Variants in LDB2 observed in about 807,000 individuals in gnomAD.
LDB2 encodes the protein LIM domain-binding protein 2.
A neutral mutation model predicts 44.3 loss-of-function variants in LDB2; 12 were observed. That is an observed-to-expected ratio of 0.27 (90% CI 0.17 to 0.44). LDB2 has a LOEUF of 0.44. Among genes scored for constraint, LDB2 ranks in the 20% least tolerant of loss-of-function variants. The pLI, the probability that LDB2 is intolerant of heterozygous loss-of-function variation, is 1.00. For missense variants in LDB2, 344 were observed against 473.5 expected (o/e 0.73, Z 2.54); for synonymous variants, 164 against 174.8 (o/e 0.94, Z 0.49).
At chr4:16,816,407 C>CTTTTTTTTTTTTTTTTTT (rs1171864969) in intron 1 of LDB2, among the ~76,000 whole-genome samples, 11 of 121,010 alleles carry the variant, frequency 9.1e-5, no homozygotes, top group Non-Finnish European at 1.4e-4. Context: ...CTTTTTCTTT[C>CTTTTTTTTTTTTTTTTTT]TTTTTTTTTT....
chr4:16,736,480 C>A (rs190919223), intron 2 of LDB2, among the ~76,000 whole-genome samples: 31 of 152,274 alleles, frequency 2.0e-4, no homozygotes, highest in African/African-American at 7.5e-4. Context: ...TTCGGGAGCA[C>A]TTTGAATTAC....
Position 16,795,045 on chromosome 4 carries a change from G to T in LDB2, c.133-35785C>A, listed in dbSNP as rs74579322. Among the ~76,000 whole-genome samples, 856 of 152,310 alleles carry T rather than the reference G, an allele frequency of 5.6e-3. 4 individuals carry two copies. Among genetic ancestry groups the T allele is most frequent in the Middle Eastern group, 0.024 (7 of 294 alleles). The stretch of plus-strand genomic sequence containing the variant: ...GTGCCTCTCTAGGCCAGTAGAGGGC[G>T]CTAGGAGCGGGGAAGACATGCTTGA... On this transcript the variant is annotated intron_variant, in intron 1 of 7. Transcript: ENST00000304523.
intron 7 of LDB2, among the ~76,000 whole-genome samples, chr4:16,503,808 T>A (rs1718273054): frequency 6.6e-6 from 1 of 152,204 alleles, no homozygotes; most frequent in East Asian, 1.9e-4. Context: ...CAAATTGTCC[T>A]TCCATGCAAA....
chr4:16,664,725 A>T (rs1339326193), intron 2 of LDB2, among the ~76,000 whole-genome samples: 1 of 152,220 alleles, frequency 6.6e-6, no homozygotes, highest in African/African-American at 2.4e-5. Context: ...ATCAATCTGA[A>T]TTACCTTCCA....
At chr4:16,721,231 G>C (rs1758212939) in intron 2 of LDB2, among the ~76,000 whole-genome samples, 2 of 152,122 alleles carry the variant, frequency 1.3e-5, no homozygotes, top group Admixed American at 1.3e-4. Context: ...AGGGTATAAA[G>C]ATCTATAAAC....
At chr4:16,613,169 T>A (rs1726167532) in intron 2 of LDB2, among the ~76,000 whole-genome samples, 1 of 152,200 alleles carries the variant, frequency 6.6e-6, no homozygotes, top group South Asian at 2.1e-4. Context: ...CATCCCTTCA[T>A]GTTAAAATCT....
chr4:16,709,800 T>A (rs916866345), intron 2 of LDB2, among the ~76,000 whole-genome samples: 1 of 152,148 alleles, frequency 6.6e-6, no homozygotes, highest in Non-Finnish European at 1.5e-5. Flanking sequence ...GTGAGAATAA[T>A]CCCAGAGGGA....
chr4:16,764,309 C>T (rs1768683942), intron 1 of LDB2, among the ~76,000 whole-genome samples: 2 of 152,088 alleles, frequency 1.3e-5, no homozygotes, highest in African/African-American at 4.8e-5. Context: ...CTTCTTGCTT[C>T]CATTCTGTTG....
rs74746223 is a variant in LDB2, at chr4:16,796,206, G to A, written c.133-36946C>T. ...AGGTTAAGGTGGGAGGATTCCTTGG[G>A]CCAAGAAGACGAAGGTTGCAGTGAG... On this transcript the variant is annotated intron_variant, in intron 1 of 7. Coordinates refer to ENST00000304523, the MANE Select transcript of LDB2 (RefSeq NM_001290.5). Among the ~76,000 whole-genome samples, 159 of 152,178 alleles carry A rather than the reference G, an allele frequency of 1.0e-3. 2 individuals carry two copies. In the East Asian group the frequency reaches 0.018, roughly 17 times the overall value.
intron 1 of LDB2, among the ~76,000 whole-genome samples, chr4:16,782,005 G>A (rs11733036): frequency 0.11 from 16,850 of 152,202 alleles, 1,133 homozygotes; most frequent in South Asian, 0.18. Context: ...CTCCAGAACT[G>A]CGAGAGAGTG....
intron 5 of LDB2, among the ~76,000 whole-genome samples, chr4:16,558,582 G>A (rs1036253985): frequency 6.6e-6 from 1 of 152,240 alleles, no homozygotes; most frequent in Admixed American, 6.5e-5. Flanking sequence ...ATCTACGTCT[G>A]ATTGGTGTAC....
At chr4:16,682,244 G>A (rs1360449719) in intron 2 of LDB2, among the ~76,000 whole-genome samples, 1 of 151,626 alleles carries the variant, frequency 6.6e-6, no homozygotes, top group Admixed American at 6.6e-5. Flanking sequence ...AAAGTAACTA[G>A]TTAAAATTTA....
chr4:16,577,610 TGAAA>T (rs1455722921), intron 5 of LDB2, among the ~76,000 whole-genome samples: 2 of 152,160 alleles, frequency 1.3e-5, no homozygotes, highest in Non-Finnish European at 1.5e-5. Context: ...TTTCACTGAT[TGAAA>T]GAATCAATAT....
intron 2 of LDB2, among the ~76,000 whole-genome samples, chr4:16,680,807 C>A (rs762744396): frequency 1.3e-5 from 2 of 152,148 alleles, no homozygotes; most frequent in African/African-American, 2.4e-5. Context: ...CAAACAAGAA[C>A]CCTCCTACAA....
At position 16,511,974 on chromosome 4, in the gene LDB2, G is replaced by A; in HGVS notation, c.739+7C>T. 6.2e-7 allele frequency: 1 copy of A among 1,611,858 alleles called. No individual in the cohort carries two copies. Among genetic ancestry groups the A allele is most frequent in the Non-Finnish European group, 8.5e-7 (1 of 1,178,770 alleles). On this transcript the variant is annotated splice_region_variant and intron_variant, in intron 6 of 7. Coordinates refer to ENST00000304523, the MANE Select transcript of LDB2 (RefSeq NM_001290.5). ...GTTTAGAGAGAGAGTGAAGAATGAG[G>A]GTGTACCTGGCGGAGCCACCATCCT...
intron 1 of LDB2, among the ~76,000 whole-genome samples, chr4:16,828,198 T>C (rs777879512): frequency 1.4e-4 from 22 of 152,296 alleles, no homozygotes; most frequent in African/African-American, 4.6e-4. Flanking sequence ...ACCATCGTCT[T>C]AGGATAAAAT....
At chr4:16,578,863 T>C (rs952988510) in intron 5 of LDB2, among the ~76,000 whole-genome samples, 1 of 152,186 alleles carries the variant, frequency 6.6e-6, no homozygotes, top group Non-Finnish European at 1.5e-5. Flanking sequence ...TATTCAGTCA[T>C]ATAAAAGATG....
intron 2 of LDB2, among the ~76,000 whole-genome samples, chr4:16,632,362 C>T (rs1223114600): frequency 2.6e-5 from 4 of 152,112 alleles, no homozygotes; most frequent in African/African-American, 9.7e-5. Context: ...GCAGAAAAGG[C>T]CTTCAACAAC....
intron 2 of LDB2, among the ~76,000 whole-genome samples, chr4:16,726,993 G>A (rs1046958024): frequency 1.3e-5 from 2 of 152,064 alleles, no homozygotes; most frequent in Non-Finnish European, 2.9e-5. Context: ...AACATGGGTC[G>A]GTTTGCTTTA....
Sources: gnomAD v4.1 joint callset for allele counts (sites outside exome capture counted in the v4.1 genomes callset) on GRCh38, gnomAD v4.1.1 for gene constraint, MANE v1.5 for transcripts, NCBI Gene and HGNC (gene_info 2026-07-23, HGNC 2026-07-21) for gene names.